OLFM2: variants seen among roughly 807,000 people sequenced by gnomAD.
The protein encoded by OLFM2 is olfactomedin 2.
A neutral mutation model predicts 43.9 loss-of-function variants in OLFM2; 20 were observed. The ratio of observed to expected loss-of-function variants is 0.46; its 90% CI spans 0.32 to 0.66. The LOEUF (loss-of-function observed/expected upper bound fraction) is 0.66, where lower values mean the gene tolerates loss of function less well. Among genes scored for constraint, OLFM2 ranks in the 30% least tolerant of loss-of-function variants. OLFM2 has a pLI of 0.04. For missense variants in OLFM2, 416 were observed against 643.6 expected (o/e 0.65, Z 3.83); for synonymous variants, 268 against 278.6 (o/e 0.96, Z 0.38).
intron 1 of OLFM2, among the ~76,000 whole-genome samples, chr19:9,871,126 CT>C (rs994502087): frequency 1.3e-5 from 2 of 151,898 alleles, no homozygotes; most frequent in African/African-American, 4.8e-5. Flanking sequence ...AAAAAATTAG[CT>C]GGGCATGGTG....
At chr19:9,895,137 T>A (rs2046672280) in intron 1 of OLFM2, among the ~76,000 whole-genome samples, 1 of 152,276 alleles carries the variant, frequency 6.6e-6, no homozygotes, top group African/African-American at 2.4e-5. Flanking sequence ...AGCTTTAGAA[T>A]TCATGCATCA....
chr19:9,900,998 G>GGGA (rs1555727287), intron 1 of OLFM2, among the ~76,000 whole-genome samples: 1 of 54,436 alleles, frequency 1.8e-5, no homozygotes, highest in African/African-American at 9.0e-5. Context: ...AAGGGAGGGA[G>GGGA]GGGGGAGGGA....
rs117892690 is a variant in OLFM2 at position 9,922,762 on chromosome 19, T to A, written c.63+13542A>T. Among the ~76,000 whole-genome samples the A allele has an allele frequency of 8.7e-4, 131 of 151,184 alleles. 1 individual carries two copies. In the East Asian group the frequency reaches 0.025, roughly 28 times the overall value. On this transcript the variant is annotated intron_variant, in intron 1 of 5. Transcript: ENST00000264833. ...GCAAAACCCCGTCTCTACAAAAAAATTCGCCAGGAGTGGTGCTGCATGCCT... is the reference window on the plus strand; with the variant it reads ...GCAAAACCCCGTCTCTACAAAAAAAATCGCCAGGAGTGGTGCTGCATGCCT...
rs190104705 is a variant in OLFM2 at position 9,912,839 on chromosome 19, C to A, written c.63+23465G>T. The stretch of plus-strand genomic sequence containing the variant: ...TCAGCACATGGCGAGGCAAGAATGG[C>A]GGAAGGGGTGCAGGGGAGAGAAAAA... On this transcript the variant is annotated intron_variant, in intron 1 of 5. Coordinates refer to ENST00000264833, the MANE Select transcript of OLFM2 (RefSeq NM_058164.4). Among the ~76,000 whole-genome samples, 6 of 151,116 alleles carry A rather than the reference C, an allele frequency of 4.0e-5. No individual in the cohort carries two copies. The East Asian group carries it at 9.7e-4, about 25-fold the overall frequency.
chr19:9,855,241 ATT>A (rs1216061769), intron 5 of OLFM2, among the ~76,000 whole-genome samples: 23 of 134,150 alleles, frequency 1.7e-4, no homozygotes, highest in Admixed American at 1.5e-4. Flanking sequence ...TTTTTAAGTA[ATT>A]TTTTTTTTTT....
chr19:9,859,832 G>C (rs2046353348), intron 2 of OLFM2, among the ~76,000 whole-genome samples: 1 of 152,098 alleles, frequency 6.6e-6, no homozygotes, highest in East Asian at 1.9e-4. Context: ...GTAAGTGCTT[G>C]GCTTCTCTCC....
At chr19:9,909,049 A>C (rs2046807059) in intron 1 of OLFM2, among the ~76,000 whole-genome samples, 1 of 152,030 alleles carries the variant, frequency 6.6e-6, no homozygotes, top group Non-Finnish European at 1.5e-5. Flanking sequence ...TATGTCGCCC[A>C]GGCTGGTCTT....
chr19:9,879,734 T>A (rs1006228904), intron 1 of OLFM2, among the ~76,000 whole-genome samples: 1 of 151,930 alleles, frequency 6.6e-6, no homozygotes, highest in Non-Finnish European at 1.5e-5. Context: ...AAATTATATT[T>A]AAATTTTTAA....
chr19:9,930,420 G>A (rs183652149), intron 1 of OLFM2, among the ~76,000 whole-genome samples: 101 of 152,088 alleles, frequency 6.6e-4, no homozygotes, highest in African/African-American at 2.3e-3. Context: ...GCTGAACTCT[G>A]TACCATGTAC....
chr19:9,883,686 C>A (rs930473769), intron 1 of OLFM2, among the ~76,000 whole-genome samples: 1 of 152,138 alleles, frequency 6.6e-6, no homozygotes, highest in African/African-American at 2.4e-5. Context: ...GCTGAGCACG[C>A]ACTTCAGTAT....
chr19:9,901,785 C>T (rs1026956838), intron 1 of OLFM2, among the ~76,000 whole-genome samples: 5 of 152,150 alleles, frequency 3.3e-5, no homozygotes, highest in Non-Finnish European at 7.3e-5. Flanking sequence ...TGAATTCCCA[C>T]GTTTAGGGCA....
At chr19:9,872,654 T>A (rs751676932) in intron 1 of OLFM2, among the ~76,000 whole-genome samples, 1 of 152,202 alleles carries the variant, frequency 6.6e-6, no homozygotes, top group Non-Finnish European at 1.5e-5. Flanking sequence ...TAGAAAGTGA[T>A]TGTGAATCCA....
chr19:9,906,096 C>A (rs777573176), intron 1 of OLFM2, among the ~76,000 whole-genome samples: 14 of 152,210 alleles, frequency 9.2e-5, no homozygotes, highest in Non-Finnish European at 1.9e-4. Flanking sequence ...GGCACACACA[C>A]ACCCAAGCAT....
chr19:9,853,879 G>GAGAGAGAGAC lies in OLFM2; in HGVS notation c.*297_*306dup, dbSNP rs1436048350. 11 of 551,592 alleles carry GAGAGAGAGAC rather than the reference G, an allele frequency of 2.0e-5. No homozygotes were observed. Among genetic ancestry groups the GAGAGAGAGAC allele is most frequent in the Non-Finnish European group, 3.5e-5 (11 of 315,494 alleles). 34.2% of individuals were successfully genotyped at this position (551,592 alleles called of 1,614,324 possible). On this transcript the variant is annotated 3_prime_UTR_variant, in exon 6 of 6. Transcript: ENST00000264833. ...AAGGAGGGAGGGGTGGAAGGACAGA[G>GAGAGAGAGAC]AGAGAGAGACAGAGAGAGGCAGAGA...
At chr19:9,923,567 A>G (rs562629316) in intron 1 of OLFM2, among the ~76,000 whole-genome samples, 5 of 151,286 alleles carry the variant, frequency 3.3e-5, no homozygotes, top group South Asian at 2.1e-4. Flanking sequence ...GAAAAAAAAA[A>G]AAAGAAAGAA....
chr19:9,923,838 G>T (rs1043661706), intron 1 of OLFM2, among the ~76,000 whole-genome samples: 1 of 151,638 alleles, frequency 6.6e-6, no homozygotes, highest in Non-Finnish European at 1.5e-5. Context: ...GGTGCCTCAC[G>T]CCTGTAATCC....
At chr19:9,912,602 T>C (rs891238029) in intron 1 of OLFM2, among the ~76,000 whole-genome samples, 21 of 151,736 alleles carry the variant, frequency 1.4e-4, no homozygotes, top group African/African-American at 5.1e-4. Context: ...CCCTCCCCTC[T>C]CTCCTCAGGA....
intron 1 of OLFM2, among the ~76,000 whole-genome samples, chr19:9,902,096 T>G (rs1189272709): frequency 1.3e-5 from 2 of 151,972 alleles, no homozygotes; most frequent in African/African-American, 2.4e-5. Flanking sequence ...TGGCGTGATC[T>G]CGGCTCACTG....
intron 1 of OLFM2, among the ~76,000 whole-genome samples, chr19:9,894,761 C>T (rs961080209): frequency 1.3e-5 from 2 of 152,002 alleles, no homozygotes; most frequent in African/African-American, 4.8e-5. Context: ...TCCCACTCCT[C>T]GGTTGAGAAC....
Sources: allele counts gnomAD v4.1 joint callset (sites outside exome capture counted in the v4.1 genomes callset), GRCh38; gene constraint gnomAD v4.1.1; transcripts MANE v1.5; gene names NCBI Gene and HGNC (gene_info 2026-07-23, HGNC 2026-07-21).